PHKB: variants seen among roughly 807,000 people sequenced by gnomAD.
PHKB encodes the protein phosphorylase kinase regulatory subunit beta, also known as phosphorylase b kinase regulatory subunit beta.
In PHKB, 122 loss-of-function variants were observed where a neutral mutation model predicts 152.1. The observed-to-expected ratio is 0.80, with a 90% CI of 0.69 to 0.93. The LOEUF is 0.93. Among genes scored for constraint, PHKB ranks in the 40% least tolerant of loss-of-function variants. PHKB has a pLI of 0.00. For synonymous variants in PHKB, 436 were observed against 464.9 expected (o/e 0.94, Z 0.80); for missense variants, 1,304 against 1,328.4 (o/e 0.98, Z 0.29).
At chr16:47,614,019 C>T (rs1395776358) in intron 14 of PHKB, among the ~76,000 whole-genome samples, 2 of 152,078 alleles carry the variant, frequency 1.3e-5, no homozygotes, top group Admixed American at 6.6e-5. Flanking sequence ...TTAATTGGCT[C>T]ATGGTAATTT....
chr16:47,664,545 AT>A (rs1051244171), intron 24 of PHKB, among the ~76,000 whole-genome samples: 16 of 152,284 alleles, frequency 1.1e-4, no homozygotes, highest in African/African-American at 3.6e-4. Context: ...TTTCAATTCT[AT>A]TTTTATAATA....
Position 47,641,035 on chromosome 16 carries a change from G to A in PHKB, c.1459G>A (p.Gly487Ser), listed in dbSNP as rs753206786. Residue 487 changes from glycine (G) to serine (S), a missense_variant and splice_region_variant, in exon 15 of 31, where the codon GGC becomes AGC. Gly to Ser is a moderately conservative substitution (Grantham distance 56). Coordinates refer to ENST00000323584, the MANE Select transcript of PHKB (RefSeq NM_000293.3). ...CCCCCTCCCTTATTCTGCATTACAGGGCCCACTGGAAAATGACTTGGTAGT... is the reference window on the plus strand; with the variant it reads ...CCCCCTCCCTTATTCTGCATTACAGAGCCCACTGGAAAATGACTTGGTAGT... ...RNVSMRFSNQGPLENDLVVHV... is the reference protein window; with the variant it reads ...RNVSMRFSNQSPLENDLVVHV... The A allele has an allele frequency of 6.2e-7, 1 of 1,613,608 alleles. No individual in the cohort carries two copies. The highest frequency in any genetic ancestry group is 8.5e-7 in the Non-Finnish European group (1 of 1,179,612).
chr16:47,612,643 C>T (rs1340701552), intron 14 of PHKB, among the ~76,000 whole-genome samples: 1 of 152,210 alleles, frequency 6.6e-6, no homozygotes, highest in African/African-American at 2.4e-5. Flanking sequence ...AAGAGAAATG[C>T]TCCTCTCCTG....
chr16:47,696,220 TAGTA>T (rs1196809552), intron 28 of PHKB, among the ~76,000 whole-genome samples, 157 bp from the exon 29 acceptor site: 1 of 152,216 alleles, frequency 6.6e-6, no homozygotes, highest in African/African-American at 2.4e-5. Context: ...TGGTTGGCTT[TAGTA>T]GTTTGACATA....
chr16:47,646,669 A>C (rs919844679), intron 16 of PHKB, among the ~76,000 whole-genome samples: 3 of 151,938 alleles, frequency 2.0e-5, no homozygotes, highest in Non-Finnish European at 4.4e-5. Flanking sequence ...GTAGTTTAAA[A>C]ATAAAATGAA....
At position 47,594,190 on chromosome 16, in the gene PHKB, C is replaced by T; in HGVS notation, c.1180C>T (p.Pro394Ser). Reference protein sequence around the residue: ...QVQEYQDLLTPVLHHTTEGYP... With the variant: ...QVQEYQDLLTSVLHHTTEGYP... ...ACAGGAATATCAGGATCTTTTGACT[C>T]CAGTACTTCATCATACCACAGAAGG... The change falls in exon 12 of 31, where the codon CCA becomes TCA. Residue 394 changes from proline to serine, a missense_variant. Coordinates refer to ENST00000323584, the MANE Select transcript of PHKB (RefSeq NM_000293.3). The T allele has an allele frequency of 6.4e-7, 1 of 1,567,238 alleles. No homozygotes were observed. The highest frequency in any genetic ancestry group is 8.8e-7 in the Non-Finnish European group (1 of 1,137,806).
intron 14 of PHKB, among the ~76,000 whole-genome samples, chr16:47,632,582 G>A (rs12599778): frequency 7.9e-5 from 12 of 152,168 alleles, no homozygotes; most frequent in Non-Finnish European, 1.3e-4. Flanking sequence ...AGCAGTGATT[G>A]GTTGTTAGAT....
chr16:47,589,442 A>G (rs766147498), intron 10 of PHKB, among the ~76,000 whole-genome samples: 7 of 152,146 alleles, frequency 4.6e-5, no homozygotes, highest in Non-Finnish European at 8.8e-5. Flanking sequence ...TTTCTATTGC[A>G]TTTTCAGTCC....
intron 14 of PHKB, among the ~76,000 whole-genome samples, chr16:47,635,580 T>G (rs973473128): frequency 6.6e-5 from 10 of 152,160 alleles, no homozygotes; most frequent in Non-Finnish European, 1.5e-4. Context: ...AGGATGGAGA[T>G]CAGGTCAGTT....
rs1970354137 is a variant in PHKB at position 47,503,240 on chromosome 16, A to G, written c.405+150A>G. On this transcript the variant is annotated intron_variant, in intron 4 of 30. Coordinates refer to ENST00000323584, the MANE Select transcript of PHKB (RefSeq NM_000293.3). ...CCTAGATAGGTTAACAGCCTTTGCC[A>G]TTCTAGCCCAGGGTTTGAAATCCTG... 1.3e-5 allele frequency: 9 copies of G among 676,296 alleles called. No homozygotes were observed. In the South Asian group the frequency reaches 1.4e-4, roughly 11 times the overall value. The allele number at this position is 676,296 out of a possible 1,614,324, so 41.9% of individuals were successfully genotyped here.
chr16:47,474,169 A>G (rs1041651899), intron 1 of PHKB, among the ~76,000 whole-genome samples: 1 of 152,066 alleles, frequency 6.6e-6, no homozygotes, highest in Non-Finnish European at 1.5e-5. Context: ...TTCAAAATAT[A>G]TATCATTGAT....
chr16:47,541,166 G>A (rs955088485), intron 6 of PHKB, among the ~76,000 whole-genome samples: 15 of 152,022 alleles, frequency 9.9e-5, no homozygotes, highest in African/African-American at 3.4e-4. Context: ...CACATGACAG[G>A]CCCCGGTGTG....
In PHKB at chr16:47,596,407, A is replaced by C. The variant is rs1053219117; in HGVS notation, c.1239A>C (p.Pro413=). The change falls in exon 13 of 31, where the codon CCA becomes CCC. Residue 413 remains proline (P), a synonymous_variant. Transcript: ENST00000323584. ...TTGTACCAAAGTACTATTATGTGCCAGCTGACTTTGTAGAATATGAAAAAA... is the reference window on the plus strand; with the variant it reads ...TTGTACCAAAGTACTATTATGTGCCCGCTGACTTTGTAGAATATGAAAAAA... ...YPVVPKYYYV[P]ADFVEYEKNN... The C allele has an allele frequency of 2.5e-6, 4 of 1,610,834 alleles. No individual in the cohort carries two copies. The highest frequency in any genetic ancestry group is 3.4e-6 in the Non-Finnish European group (4 of 1,177,020).
At chr16:47,697,616 A>G (rs535595125) in intron 29 of PHKB, among the ~76,000 whole-genome samples, 7 of 152,208 alleles carry the variant, frequency 4.6e-5, no homozygotes, top group African/African-American at 1.4e-4. Context: ...TGGTTCTTTC[A>G]GGTTCTGTTT....
chr16:47,463,730 CAAAGA>C (rs1969617255), intron 1 of PHKB: 1 of 584,732 alleles, frequency 1.7e-6, no homozygotes, highest in African/African-American at 1.9e-5. Context: ...TTTATCAAAG[CAAAGA>C]AAATCACATT....
rs9936434 is a variant in PHKB, at chr16:47,537,902, C to T, written c.595-9531C>T. Among the ~76,000 whole-genome samples the T allele has an allele frequency of 7.7e-3, 1,144 of 149,292 alleles. 15 individuals carry two copies. The highest frequency in any genetic ancestry group is 0.027 in the African/African-American group (1,062 of 39,620). ...TCTCTCTCTCTCTCTCTCTCTCTCT[C>T]TTTTTAAGTTGAGGCAAGGTCTCTC... On this transcript the variant is annotated intron_variant, in intron 6 of 30. Transcript: ENST00000323584.
chr16:47,499,960 T>C, intron 3 of PHKB, 66 bp downstream of exon 3: 1 of 1,574,628 alleles, frequency 6.4e-7, no homozygotes, highest in South Asian at 1.1e-5. Flanking sequence ...GGACCAAGAC[T>C]AATTGAGCCG....
At chr16:47,587,445 A>G (rs1475498203) in intron 8 of PHKB, among the ~76,000 whole-genome samples, 1 of 152,140 alleles carries the variant, frequency 6.6e-6, no homozygotes, top group East Asian at 1.9e-4. Flanking sequence ...GTCAAGGAAA[A>G]CTAGGGAAAA....
chr16:47,669,375 A>G lies in PHKB; in HGVS notation c.2588A>G (p.Asn863Ser), dbSNP rs745805941. 1.1e-5 allele frequency: 18 copies of G among 1,614,084 alleles called. No individual in the cohort carries two copies. In the African/African-American group the frequency reaches 1.2e-4, roughly 11 times the overall value. ...LVIHIGWIIS[N>S]NPELFSGMLK... ...ATCCATATTGGCTGGATCATCTCCAATAACCCTGAGTTATTCAGTGGCATG... is the reference window on the plus strand; with the variant it reads ...ATCCATATTGGCTGGATCATCTCCAGTAACCCTGAGTTATTCAGTGGCATG... Residue 863 changes from asparagine to serine, a missense_variant, in exon 26 of 31, where the codon AAT becomes AGT. Transcript: ENST00000323584.
Sources: allele counts gnomAD v4.1 joint callset (sites outside exome capture counted in the v4.1 genomes callset), GRCh38; gene constraint gnomAD v4.1.1; transcripts MANE v1.5; gene names NCBI Gene and HGNC (gene_info 2026-07-23, HGNC 2026-07-21).